Variants in OTOA observed in about 807,000 individuals in gnomAD.
OTOA encodes the protein otoancorin.
In OTOA, 70 loss-of-function variants were observed where a neutral mutation model predicts 110.8. That is an observed-to-expected ratio of 0.63 (90% CI 0.52 to 0.77). OTOA has a LOEUF of 0.77. OTOA is among the 30% of genes least tolerant of loss of function. OTOA has a pLI of 0.00. For synonymous variants in OTOA, 373 were observed against 431.5 expected (o/e 0.86, Z 1.68); for missense variants, 917 against 1,075.8 (o/e 0.85, Z 2.06).
At chr16:21,713,212 G>T (rs988159526) in intron 13 of OTOA, among the ~76,000 whole-genome samples, 2 of 152,134 alleles carry the variant, frequency 1.3e-5, no homozygotes, top group African/African-American at 2.4e-5. Flanking sequence ...CAATCTACTC[G>T]CCTTGGCCTC....
intron 7 of OTOA, among the ~76,000 whole-genome samples, chr16:21,686,675 G>A (rs951961014): frequency 2.0e-5 from 3 of 152,068 alleles, no homozygotes; most frequent in African/African-American, 4.8e-5. Context: ...GAGGTTGTGG[G>A]CAGATTGCTT....
At chr16:21,701,148 A>G (rs1036866926) in intron 11 of OTOA, 121 bp downstream of exon 11, 6 of 1,432,146 alleles carry the variant, frequency 4.2e-6, no homozygotes, top group Non-Finnish European at 5.8e-6. Flanking sequence ...CTCTTTGAAT[A>G]GTCCCATATT....
At chr16:21,705,069 C>T in intron 11 of OTOA, 100 bp from the exon 12 acceptor site, 1 of 1,585,764 alleles carries the variant, frequency 6.3e-7, no homozygotes, top group Non-Finnish European at 8.7e-7. Flanking sequence ...GAGTCCGTGG[C>T]AACTGAAAAA....
At chr16:21,738,767 C>T (rs1899434019) in intron 22 of OTOA, among the ~76,000 whole-genome samples, 1 of 152,308 alleles carries the variant, frequency 6.6e-6, no homozygotes, top group Non-Finnish European at 1.5e-5. Flanking sequence ...CAAAACCTAA[C>T]ATTTGGGCGT....
chr16:21,728,899 T>G (rs1258098800), intron 20 of OTOA, among the ~76,000 whole-genome samples: 1 of 152,124 alleles, frequency 6.6e-6, no homozygotes, highest in African/African-American at 2.4e-5. Flanking sequence ...GGCTTCAGAT[T>G]TGCTGTAAAG....
At chr16:21,725,714 G>A (rs963602989) in intron 18 of OTOA, among the ~76,000 whole-genome samples, 5 of 152,196 alleles carry the variant, frequency 3.3e-5, no homozygotes, top group African/African-American at 9.6e-5. Flanking sequence ...TCTGGTTTTG[G>A]AACAGTGAAG....
intron 15 of OTOA, 33 bp from the exon 16 acceptor site, chr16:21,719,100 C>T (rs1898642950): frequency 6.3e-7 from 1 of 1,597,174 alleles, no homozygotes; most frequent in East Asian, 2.2e-5. Context: ...GCTGAGTGTG[C>T]CATCAGTGCT....
intron 9 of OTOA, among the ~76,000 whole-genome samples, chr16:21,695,922 T>C: frequency 8.2e-6 from 1 of 121,832 alleles, no homozygotes; most frequent in South Asian, 2.7e-4. Flanking sequence ...TGAGATGGAG[T>C]CTGGCTCTGT....
At chr16:21,687,058 T>C (rs1897729281) in intron 7 of OTOA, among the ~76,000 whole-genome samples, 1 of 152,004 alleles carries the variant, frequency 6.6e-6, no homozygotes, top group Non-Finnish European at 1.5e-5. Flanking sequence ...TGATCTGAAG[T>C]AGGAAGTTGG....
chr16:21,723,038 A>C, intron 18 of OTOA, 60 bp downstream of exon 18: 1 of 1,539,618 alleles, frequency 6.5e-7, no homozygotes, highest in Admixed American at 1.7e-5. Flanking sequence ...GAATCACTGA[A>C]GTCAAAATGA....
chr16:21,749,521 G>T (rs1231474483), intron 24 of OTOA, among the ~76,000 whole-genome samples: 14 of 149,078 alleles, frequency 9.4e-5, no homozygotes, highest in African/African-American at 3.3e-4. Context: ...ACAGTGAGAC[G>T]CTGTCTCAAA....
intron 8 of OTOA, among the ~76,000 whole-genome samples, chr16:21,690,562 T>C (rs1897809603): frequency 6.6e-6 from 1 of 152,298 alleles, no homozygotes; most frequent in East Asian, 1.9e-4. Flanking sequence ...CCATGGTATA[T>C]ATGTACCACA....
chr16:21,759,123 C>T (rs145091231), intron 28 of OTOA, among the ~76,000 whole-genome samples: 339 of 152,242 alleles, frequency 2.2e-3, no homozygotes, highest in African/African-American at 6.7e-3. Flanking sequence ...AGATAATGCA[C>T]AGGGTTCCGA....
intron 6 of OTOA, among the ~76,000 whole-genome samples, chr16:21,682,481 T>C (rs1289092875): frequency 6.6e-6 from 1 of 152,246 alleles, no homozygotes; most frequent in Non-Finnish European, 1.5e-5. Context: ...GATCAGTCTT[T>C]CTACCATGGG....
In OTOA at chr16:21,705,943, GA is replaced by G. The variant is rs537476213; in HGVS notation, c.1104+663del. ...GACAGAGTGAGACTCTGTCTCAAAA[GA>G]AAAAAAAAAAAGCCATGTGCCTATA... is the stretch of plus-strand genomic sequence containing the variant. On this transcript the variant is annotated intron_variant, in intron 12 of 28. Coordinates refer to ENST00000646100, the MANE Select transcript of OTOA (RefSeq NM_144672.4). 9.6e-3 allele frequency among the ~76,000 whole-genome samples: 1,323 copies of G among 137,878 alleles called. 43 individuals carry two copies. The highest frequency in any genetic ancestry group is 0.068 in the East Asian group (325 of 4,810). The allele number at this position is 137,878 out of a possible 152,430, so 90.5% of individuals were successfully genotyped here.
Position 21,736,320 on chromosome 16 carries a change from A to G in OTOA, c.2361A>G (p.Glu787=). 1 of 1,614,184 alleles carries G rather than the reference A, an allele frequency of 6.2e-7. No homozygotes were observed. Among genetic ancestry groups the G allele is most frequent in the Non-Finnish European group, 8.5e-7 (1 of 1,180,028 alleles). The change falls in exon 22 of 29, where the codon GAA becomes GAG. Residue 787 remains glutamate (E), a synonymous_variant. Coordinates refer to ENST00000646100, the MANE Select transcript of OTOA (RefSeq NM_144672.4). The part of the protein sequence containing the change: ...SKMARTLPTK[E]FLWAVFQSVR... Reference sequence around the variant, plus strand: ...TGGCCAGGACCCTGCCCACTAAAGAATTCCTCTGGGCTGTCTTTCAGTCTG... The same window carrying G: ...TGGCCAGGACCCTGCCCACTAAAGAGTTCCTCTGGGCTGTCTTTCAGTCTG...
chr16:21,698,076 G>A (rs905709369), intron 10 of OTOA, among the ~76,000 whole-genome samples: 5 of 152,180 alleles, frequency 3.3e-5, no homozygotes, highest in Non-Finnish European at 5.9e-5. Flanking sequence ...TTTTAGTGTG[G>A]AAGGGCTAAG....
intron 19 of OTOA, among the ~76,000 whole-genome samples, chr16:21,727,847 G>C (rs1010833139): frequency 6.6e-6 from 1 of 150,678 alleles, no homozygotes; most frequent in East Asian, 2.0e-4. Flanking sequence ...TCTTTAAGAA[G>C]TTTGGGATCG....
At chr16:21,672,341 C>T (rs1475397197) in intron 1 of OTOA, among the ~76,000 whole-genome samples, 3 of 151,640 alleles carry the variant, frequency 2.0e-5, no homozygotes, top group Admixed American at 6.6e-5. Context: ...TTGACATATA[C>T]GCCGGGCACG....
Sources: allele counts gnomAD v4.1 joint callset (sites outside exome capture counted in the v4.1 genomes callset), GRCh38; gene constraint gnomAD v4.1.1; transcripts MANE v1.5; gene names NCBI Gene and HGNC (gene_info 2026-07-23, HGNC 2026-07-21).